Variants in RNF17 observed in about 807,000 individuals in gnomAD.
The protein encoded by RNF17 is spermatogenesis associated 23.
RNF17 carries 31 observed loss-of-function variants against 200.5 expected under a neutral mutation model. The ratio of observed to expected loss-of-function variants is 0.15; its 90% confidence interval spans 0.12 to 0.21. RNF17 has a LOEUF of 0.21. Among genes scored for constraint, RNF17 ranks in the 10% least tolerant of loss-of-function variants. RNF17 has a pLI of 1.00. For synonymous variants in RNF17, 606 were observed against 637.8 expected (o/e 0.95, Z 0.75); for missense variants, 1,628 against 1,905.1 (o/e 0.85, Z 2.71).
intron 3 of RNF17, among the ~76,000 whole-genome samples, chr13:24,777,101 TG>T (rs1163098162): frequency 4.6e-5 from 7 of 152,234 alleles, no homozygotes; most frequent in Non-Finnish European, 1.0e-4. Context: ...TTAAAATGGT[TG>T]TATATTTTTA....
chr13:24,846,888 T>G (rs1306833919), intron 22 of RNF17, among the ~76,000 whole-genome samples: 2 of 152,184 alleles, frequency 1.3e-5, no homozygotes, highest in African/African-American at 4.8e-5. Context: ...TGCACACACT[T>G]AGGTATACAT....
Position 24,764,263 on chromosome 13 carries a change from G to A in RNF17, c.60G>A (p.Arg20=), listed in dbSNP as rs766379396. 4 of 1,610,708 alleles carry A rather than the reference G, an allele frequency of 2.5e-6. No homozygotes were observed. Among genetic ancestry groups the A allele is most frequent in the Non-Finnish European group, 2.5e-6 (3 of 1,177,586 alleles). ...GGTCTTCCTACCAGCGAATGGGGAGGAAGAGTCAGCCCTGGGGTGCCGCTG... is the reference window on the plus strand; with the variant it reads ...GGTCTTCCTACCAGCGAATGGGGAGAAAGAGTCAGCCCTGGGGTGCCGCTG... ...PSRSSYQRMG[R]KSQPWGAAEI... is the part of the protein sequence containing the mutation. The change falls in exon 1 of 36, where the codon AGG becomes AGA. Residue 20 remains arginine, a synonymous_variant. Coordinates refer to ENST00000255324, the MANE Select transcript of RNF17 (RefSeq NM_031277.3).
chr13:24,783,772 T>C (rs998075986), intron 6 of RNF17, among the ~76,000 whole-genome samples: 2 of 152,232 alleles, frequency 1.3e-5, no homozygotes, highest in South Asian at 4.1e-4. Context: ...ATGGCATCTT[T>C]AGGGTTTTCT....
At chr13:24,782,326 C>G (rs901113540) in intron 6 of RNF17, among the ~76,000 whole-genome samples, 1 of 152,084 alleles carries the variant, frequency 6.6e-6, no homozygotes, top group African/African-American at 2.4e-5. Context: ...CAAGCCCACA[C>G]CACTACATCC....
At chr13:24,878,199 A>G (rs1195801250) in intron 34 of RNF17, among the ~76,000 whole-genome samples, 2 of 152,200 alleles carry the variant, frequency 1.3e-5, no homozygotes, top group Non-Finnish European at 2.9e-5. Flanking sequence ...TGAGCTCATA[A>G]TCAGTCAGCA....
intron 15 of RNF17, 110 bp from the exon 16 acceptor site, chr13:24,825,509 C>T: frequency 1.4e-6 from 1 of 739,478 alleles, no homozygotes; most frequent in East Asian, 2.5e-5. Context: ...GATTTACATT[C>T]AATTCAAGTT....
intron 6 of RNF17, among the ~76,000 whole-genome samples, chr13:24,782,691 A>C (rs1272106122): frequency 6.6e-6 from 1 of 152,068 alleles, no homozygotes; most frequent in Non-Finnish European, 1.5e-5. Context: ...AAAAAAATCA[A>C]CCAGGCATTG....
chr13:24,811,273 G>C (rs1339888736), intron 15 of RNF17, among the ~76,000 whole-genome samples: 15 of 151,436 alleles, frequency 9.9e-5, no homozygotes, highest in African/African-American at 3.6e-4. Flanking sequence ...TCACTTTCAG[G>C]TACACCAATC....
chr13:24,851,369 T>C (rs1891874337), intron 23 of RNF17, 87 bp from the exon 24 acceptor site: 1 of 894,826 alleles, frequency 1.1e-6, no homozygotes, highest in African/African-American at 1.7e-5. Context: ...TAGAGAAATG[T>C]AGAAGAACTG....
Position 24,865,138 on chromosome 13 carries a change from G to T in RNF17, c.4101+140G>T, listed in dbSNP as rs1244062071. The T allele has an allele frequency of 1.2e-5, 7 of 590,576 alleles. No individual in the cohort carries two copies. In the East Asian group the frequency reaches 1.3e-4, roughly 11 times the overall value. The allele number at this position is 590,576 out of a possible 1,614,324, so 36.6% of individuals were successfully genotyped here. A position where few individuals can be genotyped will look rare whatever the true frequency, so the allele number is the denominator to read the frequency against. On this transcript the variant is annotated intron_variant, in intron 29 of 35. Transcript: ENST00000255324. ...GAGTCTAGAGGACTTACACATTTTT[G>T]CTGAGAAAGATGAATAGGCTGTGTC...
chr13:24,764,022 G>C (rs1879160700), upstream of RNF17: 1 of 514,838 alleles, frequency 1.9e-6, no homozygotes, highest in Non-Finnish European at 3.4e-6. Context: ...CCTTCTAGGA[G>C]TGGTACCTCC....
At chr13:24,789,642 A>G (rs1883588021) in intron 8 of RNF17, 56 bp from the exon 9 acceptor site, 2 of 1,169,106 alleles carry the variant, frequency 1.7e-6, no homozygotes, top group Non-Finnish European at 2.5e-6. Flanking sequence ...TTTTGTCTAG[A>G]GAACATGATA....
intron 2 of RNF17, among the ~76,000 whole-genome samples, chr13:24,768,475 G>A (rs565772772): frequency 1.3e-5 from 2 of 151,944 alleles, no homozygotes; most frequent in South Asian, 2.1e-4. Flanking sequence ...TAATAGAGAG[G>A]GGGTTTCACC....
At chr13:24,827,701 C>CAAAAAAAAAAAAAA (rs538402990) in intron 16 of RNF17, among the ~76,000 whole-genome samples, 6 of 12,238 alleles carry the variant, frequency 4.9e-4, no homozygotes, top group Non-Finnish European at 6.8e-4. Flanking sequence ...GACTCCGTCT[C>CAAAAAAAAAAAAAA]AAAAAAAAAA....
chr13:24,826,066 G>A, intron 16 of RNF17: 1 of 985,150 alleles, frequency 1.0e-6, no homozygotes, highest in Non-Finnish European at 1.2e-6. Context: ...GATGTTGACT[G>A]TTTGTCTGTC....
the RNF17 span, among the ~76,000 whole-genome samples, chr13:24,750,341 T>A: frequency 0.051 from 7,723 of 152,308 alleles, 643 homozygotes; most frequent in African/African-American, 0.17. Flanking sequence ...ATAGAATTTA[T>A]CTGTTTTAAC....
chr13:24,804,244 CAG>C, intron 14 of RNF17, 42 bp from the exon 15 acceptor site: 1 of 1,579,636 alleles, frequency 6.3e-7, no homozygotes. Flanking sequence ...GCCTGGGTGA[CAG>C]GGTGAGACCC....
intron 34 of RNF17, among the ~76,000 whole-genome samples, chr13:24,877,554 T>A: frequency 6.6e-6 from 1 of 151,980 alleles, no homozygotes; most frequent in East Asian, 1.9e-4. Context: ...ACTTTGTGGG[T>A]GGGGGAAGCG....
intron 28 of RNF17, among the ~76,000 whole-genome samples, chr13:24,864,519 ATTTC>A (rs1438877364): frequency 6.6e-6 from 1 of 151,106 alleles, no homozygotes; most frequent in Non-Finnish European, 1.5e-5. Flanking sequence ...ATGAAACTTT[ATTTC>A]TTCACCTCTG....
Sources: allele counts gnomAD v4.1 joint callset (sites outside exome capture counted in the v4.1 genomes callset), GRCh38; gene constraint gnomAD v4.1.1; transcripts MANE v1.5; gene names NCBI Gene and HGNC (gene_info 2026-07-23, HGNC 2026-07-21).